CEP250: variants seen among roughly 807,000 people sequenced by gnomAD.
CEP250 encodes the protein centrosome-associated protein CEP250.
Under a neutral mutation model 315.7 loss-of-function variants are expected in CEP250, and 242 were observed. The ratio of observed to expected loss-of-function variants is 0.77; its 90% CI spans 0.69 to 0.85. The LOEUF is 0.85. Among genes scored for constraint, CEP250 ranks in the 40% least tolerant of loss-of-function variants. The pLI, the probability that CEP250 is intolerant of heterozygous loss-of-function variation, is 0.00. For synonymous variants in CEP250, 1,088 were observed against 1,175.0 expected (o/e 0.93, Z 1.51); for missense variants, 2,515 against 2,886.4 (o/e 0.87, Z 2.95).
rs1409205822 is a variant in CEP250, at chr20:35,503,667, A to G, written c.5298A>G (p.Val1766=). ...AGCTCCAGGGCCTGCACAGGAAGGT[A>G]GGTGAGACCAGCCTCCTCCTGTCCC... The part of the protein sequence containing the change: ...EQQLQGLHRK[V]GETSLLLSQR... Residue 1766 remains valine, a synonymous_variant, in exon 30 of 35, where the codon GTA becomes GTG. Coordinates refer to ENST00000397527, the MANE Select transcript of CEP250 (RefSeq NM_007186.6). The surrounding 1 kb of genome is among the most constrained non-coding windows in gnomAD (Gnocchi z 4.2). 2 of 1,613,938 alleles carry G rather than the reference A, an allele frequency of 1.2e-6. No homozygotes were observed. The highest frequency in any genetic ancestry group is 1.3e-5 in the African/African-American group (1 of 74,928).
chr20:35,477,717 C>T, intron 16 of CEP250, 154 bp from the exon 17 acceptor site: 2 of 663,502 alleles, frequency 3.0e-6, no homozygotes, highest in African/African-American at 1.8e-5. Flanking sequence ...GGCACTAGAT[C>T]AAATGAATGG....
chr20:35,480,109 C>T lies in CEP250; in HGVS notation c.2550C>T (p.Ala850=). 1 of 1,612,380 alleles carries T rather than the reference C, an allele frequency of 6.2e-7. No homozygotes were observed. Among genetic ancestry groups the T allele is most frequent in the Non-Finnish European group, 8.5e-7 (1 of 1,179,974 alleles). The change falls in exon 20 of 35, where the codon GCC becomes GCT. Residue 850 remains alanine, a synonymous_variant. Coordinates refer to ENST00000397527, the MANE Select transcript of CEP250 (RefSeq NM_007186.6). ...CTGCCTTGGAGCAGCAGAAGGCAGC[C>T]CATGAGAAAGAGGTGAACCAGCTCC... ...GKTALEQQKA[A]HEKEVNQLRE... is the part of the protein sequence containing the mutation.
Position 35,511,611 on chromosome 20 carries a change from A to G in CEP250, c.7314A>G (p.Gln2438=), listed in dbSNP as rs747425179. 52 of 1,609,414 alleles carry G rather than the reference A, an allele frequency of 3.2e-5. No homozygotes were observed. The highest frequency in any genetic ancestry group is 1.9e-4 in the Middle Eastern group (1 of 5,218). ...TACACCCCAGCCCCAGCACTACCCA[A>G]GCCGCCTCCAGGTAGCAGCCACAGC... The part of the protein sequence containing the change: ...VLLHPSPSTT[Q]AASR Residue 2438 remains glutamine (Q), a synonymous_variant, in exon 35 of 35, where the codon CAA becomes CAG. Coordinates refer to ENST00000397527, the MANE Select transcript of CEP250 (RefSeq NM_007186.6).
chr20:35,499,707 G>A (rs2063946997), intron 27 of CEP250, among the ~76,000 whole-genome samples: 1 of 152,200 alleles, frequency 6.6e-6, no homozygotes, highest in Non-Finnish European at 1.5e-5. Flanking sequence ...TTTGGGAAGG[G>A]TCAGAAGGAA....
At chr20:35,469,717 A>G in intron 9 of CEP250, 173 bp from the exon 10 acceptor site, 3 of 475,604 alleles carry the variant, frequency 6.3e-6, no homozygotes, top group Non-Finnish European at 7.4e-6. Context: ...CTTCAAGGCT[A>G]TAGCATCATG....
At chr20:35,493,005 G>A (rs543938295) in intron 22 of CEP250, among the ~76,000 whole-genome samples, 163 of 152,252 alleles carry the variant, frequency 1.1e-3, no homozygotes, top group Non-Finnish European at 7.9e-4. Flanking sequence ...TGGGATGATA[G>A]GCGTGAGCCA....
At position 35,462,558 on chromosome 20, in the gene CEP250, G is replaced by A; in HGVS notation, c.186+5G>A. 6.3e-7 allele frequency: 1 copy of A among 1,592,340 alleles called. No homozygotes were observed. The highest frequency in any genetic ancestry group is 8.6e-7 in the Non-Finnish European group (1 of 1,168,832). On this transcript the variant is annotated splice_donor_5th_base_variant and intron_variant, in intron 4 of 34. Transcript: ENST00000397527. Reference sequence around the variant, plus strand: ...GTGAGGAAGCTGCAGGCCAAGGTGAGGCAGCTGCCCTTTTGGGGAGGGGAA... The same window carrying A: ...GTGAGGAAGCTGCAGGCCAAGGTGAAGCAGCTGCCCTTTTGGGGAGGGGAA...
At chr20:35,491,062 T>G in intron 21 of CEP250, 150 bp from the exon 22 acceptor site, 1 of 978,596 alleles carries the variant, frequency 1.0e-6, no homozygotes, top group Non-Finnish European at 1.5e-6. Flanking sequence ...CACTTCCTTG[T>G]TCTGAACCCA....
rs763738378 is a variant in CEP250 at position 35,467,021 on chromosome 20, A to T, written c.548A>T (p.Glu183Val). The change falls in exon 8 of 35, where the codon GAG (glutamate) becomes GTG (valine). Residue 183 changes from glutamate (E) to valine (V), a missense_variant. Coordinates refer to ENST00000397527, the MANE Select transcript of CEP250 (RefSeq NM_007186.6). ...EHGRLLSLWREVVTFRRHFLE... is the reference protein window; with the variant it reads ...EHGRLLSLWRVVVTFRRHFLE... Reference sequence around the variant, plus strand: ...GGTCGCCTTCTCAGTCTATGGCGGGAGGTTGTGACATTCCGACGCCACTTC... The same window carrying T: ...GGTCGCCTTCTCAGTCTATGGCGGGTGGTTGTGACATTCCGACGCCACTTC... The T allele has an allele frequency of 3.1e-6, 5 of 1,613,706 alleles. No individual in the cohort carries two copies. In the African/African-American group the frequency reaches 6.7e-5, roughly 22 times the overall value.
At chr20:35,495,078 G>A (rs1170186890) in intron 24 of CEP250, among the ~76,000 whole-genome samples, 2 of 152,240 alleles carry the variant, frequency 1.3e-5, no homozygotes, top group Non-Finnish European at 2.9e-5. Flanking sequence ...TGAGCACTCA[G>A]CATGAAGTGG....
At chr20:35,508,336 C>G in intron 32 of CEP250, 146 bp downstream of exon 32, 1 of 867,424 alleles carries the variant, frequency 1.2e-6, no homozygotes, top group Non-Finnish European at 1.8e-6. Context: ...TTTCCCGAGA[C>G]AGAGTCTTGC....
At chr20:35,476,159 A>T (rs888670684) in intron 15 of CEP250, 1 of 305,554 alleles carries the variant, frequency 3.3e-6, no homozygotes, top group African/African-American at 2.1e-5. Flanking sequence ...TGACTCTTCC[A>T]AACTATATTA....
At chr20:35,486,983 G>A (rs1439957565) in intron 20 of CEP250, among the ~76,000 whole-genome samples, 1 of 152,162 alleles carries the variant, frequency 6.6e-6, no homozygotes, top group Non-Finnish European at 1.5e-5. Flanking sequence ...TGACTATAGT[G>A]GCCATATCTG....
In CEP250 at chr20:35,467,170, G is replaced by T. The variant is rs1450238897; in HGVS notation, c.599+98G>T. 7 of 1,145,366 alleles carry T rather than the reference G, an allele frequency of 6.1e-6. No individual in the cohort carries two copies. The Admixed American group carries it at 1.1e-4, about 18-fold the overall frequency. The allele number at this position is 1,145,366 out of a possible 1,614,324, so 71.0% of individuals were successfully genotyped here. A position where few individuals can be genotyped will look rare whatever the true frequency, so the allele number is the denominator to read the frequency against. On this transcript the variant is annotated intron_variant, in intron 8 of 34. Transcript: ENST00000397527. ...AAGCGGGATCAGCTGTGGGGGTGGG[G>T]TGGGTGGGGGAGTTGGTAGTATTGG...
At chr20:35,477,843 T>A (rs763118877) in intron 16 of CEP250, 28 bp from the exon 17 acceptor site, 1 of 1,527,130 alleles carries the variant, frequency 6.5e-7, no homozygotes, top group South Asian at 1.2e-5. Flanking sequence ...CTTTGATGCT[T>A]GTACTCCCTT....
Position 35,511,636 on chromosome 20 carries a change from C to G in CEP250, c.*10C>G. 6.2e-7 allele frequency: 1 copy of G among 1,604,590 alleles called. No individual in the cohort carries two copies. Among genetic ancestry groups the G allele is most frequent in the South Asian group, 1.1e-5 (1 of 90,058 alleles). On this transcript the variant is annotated 3_prime_UTR_variant, in exon 35 of 35. Coordinates refer to ENST00000397527, the MANE Select transcript of CEP250 (RefSeq NM_007186.6). ...AGCCGCCTCCAGGTAGCAGCCACAG[C>G]CAGGAGCACACAGACAGAAGACTGT... is the stretch of plus-strand genomic sequence containing the variant.
chr20:35,503,161 GA>G lies in CEP250; in HGVS notation c.4794del (p.Glu1599LysfsTer34). The G allele has an allele frequency of 6.2e-7, 1 of 1,614,112 alleles. No individual in the cohort carries two copies. The highest frequency in any genetic ancestry group is 8.5e-7 in the Non-Finnish European group (1 of 1,179,996). Reference sequence around the variant, plus strand: ...TTTGACCCACCTTACGCTGGACCTAGAAGAAAGGAGCCAGGAGCTGCAGGCA... The same window carrying G: ...TTTGACCCACCTTACGCTGGACCTAGAGAAAGGAGCCAGGAGCTGCAGGCA... ...VALTHLTLDL[E>X]ERSQELQAQS... is the part of the protein sequence containing the mutation. On this transcript the variant is annotated frameshift_variant, in exon 30 of 35. Coordinates refer to ENST00000397527, the MANE Select transcript of CEP250 (RefSeq NM_007186.6). LOFTEE classifies it high-confidence loss of function. This position sits in a 1 kb window ranked among gnomAD's most constrained non-coding sequence, Gnocchi z 4.2.
At chr20:35,506,602 T>C (rs2064191511) in intron 30 of CEP250, among the ~76,000 whole-genome samples, 1 of 151,744 alleles carries the variant, frequency 6.6e-6, no homozygotes, top group Non-Finnish European at 1.5e-5. Flanking sequence ...AGACACACAG[T>C]CCCCCAGAGA....
chr20:35,469,803 TTGGGGC>T (rs1266599793), intron 9 of CEP250, 81 bp from the exon 10 acceptor site: 24 of 778,676 alleles, frequency 3.1e-5, no homozygotes, highest in Non-Finnish European at 4.6e-5. Flanking sequence ...GTGGTTGGGG[TTGGGGC>T]TGGGGCTGGG....
Sources: allele counts gnomAD v4.1 joint callset (sites outside exome capture counted in the v4.1 genomes callset), GRCh38; gene constraint gnomAD v4.1.1; non-coding constraint Gnocchi (gnomAD v3.1); transcripts MANE v1.5; gene names NCBI Gene and HGNC (gene_info 2026-07-23, HGNC 2026-07-21).